The following ZNF143 variants were observed in gnomAD, a reference collection of about 807,000 sequenced individuals.
ZNF143 encodes the protein zinc finger protein 143.
In ZNF143, 49 loss-of-function variants were observed where a neutral mutation model predicts 74.1. The ratio of observed to expected loss-of-function variants is 0.66; its 90% CI spans 0.53 to 0.84. The LOEUF (loss-of-function observed/expected upper bound fraction) is 0.84. Ranked by LOEUF, ZNF143 falls within the 40% of genes least tolerant of loss-of-function variation. The pLI is 0.00. For missense variants in ZNF143, 637 were observed against 793.4 expected, an observed-to-expected ratio of 0.80 and a Z score of 2.37; for synonymous variants, 304 against 282.8, an observed-to-expected ratio of 1.07 and a Z score of -0.75.
chr11:9,474,457 A>G, intron 4 of ZNF143, 93 bp from the exon 5 acceptor site: 1 of 1,227,430 alleles, frequency 8.1e-7, no homozygotes, highest in Non-Finnish European at 1.2e-6. Flanking sequence ...AGATTGTTAT[A>G]ATGTGTTAAT....
At chr11:9,473,167 G>T (rs190910960) in intron 3 of ZNF143, among the ~76,000 whole-genome samples, 2 of 152,076 alleles carry the variant, frequency 1.3e-5, no homozygotes, top group East Asian at 1.9e-4. Context: ...GAGGCGGGCA[G>T]ATCACCTGAG....
At chr11:9,463,444 TATC>T (rs1453333356) in intron 1 of ZNF143, among the ~76,000 whole-genome samples, 1 of 152,238 alleles carries the variant, frequency 6.6e-6, no homozygotes, top group African/African-American at 2.4e-5. Flanking sequence ...CAACACTTGT[TATC>T]ATCAGTCTTT....
intron 13 of ZNF143, among the ~76,000 whole-genome samples, chr11:9,514,090 G>A (rs966175059): frequency 1.6e-4 from 25 of 152,146 alleles, no homozygotes; most frequent in African/African-American, 5.8e-4. Context: ...CAGAGGTGAG[G>A]TCTCACTGTG....
chr11:9,526,589 T>TG (rs1432861465), intron 15 of ZNF143, among the ~76,000 whole-genome samples: 14 of 151,936 alleles, frequency 9.2e-5, no homozygotes, highest in Non-Finnish European at 8.8e-5. Context: ...GTATGAATTT[T>TG]TTTTTTTTTT....
chr11:9,497,269 C>T (rs561482254), intron 9 of ZNF143, among the ~76,000 whole-genome samples: 4 of 152,342 alleles, frequency 2.6e-5, no homozygotes, highest in African/African-American at 7.2e-5. Flanking sequence ...CTCACTCTGT[C>T]GCCCAGCCTG....
chr11:9,522,556 C>A (rs776995418), intron 14 of ZNF143, among the ~76,000 whole-genome samples: 1 of 152,190 alleles, frequency 6.6e-6, no homozygotes, highest in Non-Finnish European at 1.5e-5. Context: ...TGCAATGGCA[C>A]GCTCTCGGCT....
chr11:9,527,401 G>A, intron 15 of ZNF143, 129 bp from the exon 16 acceptor site: 1 of 765,740 alleles, frequency 1.3e-6, no homozygotes, highest in South Asian at 1.7e-5. Context: ...GTTAGCAGTA[G>A]TATTTTAACA....
chr11:9,517,107 G>A (rs941083504), intron 14 of ZNF143, among the ~76,000 whole-genome samples: 16 of 151,708 alleles, frequency 1.1e-4, no homozygotes, highest in African/African-American at 3.6e-4. Context: ...TTTATTTTTT[G>A]TAGAGAAAGG....
intron 7 of ZNF143, among the ~76,000 whole-genome samples, chr11:9,485,040 G>C (rs1202407844): frequency 1.4e-5 from 2 of 146,572 alleles, no homozygotes; most frequent in Non-Finnish European, 3.0e-5. Flanking sequence ...CTCGTGATCT[G>C]CCTGCCTCGG....
intron 5 of ZNF143, among the ~76,000 whole-genome samples, chr11:9,477,675 T>C (rs183493433): frequency 6.6e-6 from 1 of 152,314 alleles, no homozygotes; most frequent in Non-Finnish European, 1.5e-5. Context: ...AATACCAGTA[T>C]AGATATAGAT....
intron 11 of ZNF143, among the ~76,000 whole-genome samples, chr11:9,506,389 CA>C (rs1848365611): frequency 6.6e-6 from 1 of 152,204 alleles, no homozygotes; most frequent in South Asian, 2.1e-4. Context: ...GCTAGCCATT[CA>C]ACACATTTTA....
At chr11:9,466,888 T>TG (rs1554960303) in intron 1 of ZNF143, among the ~76,000 whole-genome samples, 79 of 151,514 alleles carry the variant, frequency 5.2e-4, no homozygotes, top group Non-Finnish European at 8.7e-4. Context: ...TGGTTTTTTT[T>TG]TGTGTGTGTG....
At chr11:9,466,890 G>T (rs1982471) in intron 1 of ZNF143, among the ~76,000 whole-genome samples, 36,110 of 149,934 alleles carry the variant, frequency 0.24, 4,910 homozygotes, top group African/African-American at 0.36. Flanking sequence ...GTTTTTTTTT[G>T]TGTGTGTGTG....
intron 7 of ZNF143, among the ~76,000 whole-genome samples, chr11:9,491,853 C>T (rs1022190846): frequency 3.9e-5 from 6 of 152,168 alleles, no homozygotes; most frequent in African/African-American, 1.4e-4. Context: ...TAGTCTCGAA[C>T]TCCTGATCTC....
intron 12 of ZNF143, among the ~76,000 whole-genome samples, chr11:9,511,336 G>A (rs540873324): frequency 5.3e-5 from 8 of 151,554 alleles, no homozygotes; most frequent in South Asian, 2.1e-4. Context: ...TTGCTCTGTC[G>A]CCCAGGCTGG....
Position 9,511,911 on chromosome 11 carries a change from C to T in ZNF143, c.1376-537C>T, listed in dbSNP as rs373928708. Among the ~76,000 whole-genome samples, 7 of 151,664 alleles carry T rather than the reference C, an allele frequency of 4.6e-5. No individual in the cohort carries two copies. In the East Asian group the frequency reaches 5.9e-4, roughly 13 times the overall value. On this transcript the variant is annotated intron_variant, in intron 12 of 15. Transcript: ENST00000396602. ...GGACTACAGGCGCCCGCCACCATGACCAGCTAATTTTTTGTATTTTTAGTA... is the reference window on the plus strand; with the variant it reads ...GGACTACAGGCGCCCGCCACCATGATCAGCTAATTTTTTGTATTTTTAGTA...
intron 11 of ZNF143, among the ~76,000 whole-genome samples, chr11:9,502,124 C>T (rs1292055341): frequency 6.0e-5 from 9 of 148,944 alleles, no homozygotes; most frequent in South Asian, 2.1e-4. Flanking sequence ...TTAGTAGAGA[C>T]GGGGTTTCTC....
In ZNF143 at chr11:9,467,845, CA is replaced by C. The variant is rs971001404; in HGVS notation, c.-7-3436del. On this transcript the variant is annotated intron_variant, in intron 1 of 15. Coordinates refer to ENST00000396602, the MANE Select transcript of ZNF143 (RefSeq NM_003442.6). ...GGCGACAAGAGTGAGACTCCATCTC[CA>C]AAAAAAAAAAAAAAAAAAAAGTTGT... 4.8e-3 allele frequency among the ~76,000 whole-genome samples: 381 copies of C among 79,906 alleles called. 3 individuals are homozygous for C. Among genetic ancestry groups the C allele is most frequent in the African/African-American group, 0.018 (283 of 15,744 alleles). 52.4% of individuals were successfully genotyped at this position (79,906 alleles called of 152,430 possible).
At chr11:9,486,215 C>G (rs940924458) in intron 7 of ZNF143, among the ~76,000 whole-genome samples, 1 of 145,572 alleles carries the variant, frequency 6.9e-6, no homozygotes, top group South Asian at 2.1e-4. Context: ...AATGCAACTG[C>G]TCAATAAATG....
Sources: gnomAD v4.1 joint callset for allele counts (sites outside exome capture counted in the v4.1 genomes callset) on GRCh38, gnomAD v4.1.1 for gene constraint, MANE v1.5 for transcripts, NCBI Gene and HGNC (gene_info 2026-07-23, HGNC 2026-07-21) for gene names.